Variants in LINGO2 observed in about 807,000 individuals in gnomAD.
The protein encoded by LINGO2 is leucine rich repeat and Ig domain containing 2, also known as leucine-rich repeat and immunoglobulin-like domain-containing nogo receptor-interacting protein 2.
In LINGO2, 14 loss-of-function variants were observed where a neutral mutation model predicts 30.6. The ratio of observed to expected loss-of-function variants is 0.46; its 90% CI spans 0.30 to 0.72. The LOEUF (loss-of-function observed/expected upper bound fraction) is 0.72, where lower values mean the gene tolerates loss of function less well. Ranked by LOEUF, LINGO2 falls within the 30% of genes least tolerant of loss-of-function variation. The pLI is 0.07. For synonymous variants in LINGO2, 317 were observed against 288.5 expected (o/e 1.10, Z -1.00); for missense variants, 729 against 751.7 (o/e 0.97, Z 0.35).
the LINGO2 span, among the ~76,000 whole-genome samples, chr9:29,134,006 C>G: frequency 6.6e-6 from 1 of 152,070 alleles, no homozygotes; most frequent in Non-Finnish European, 1.5e-5. Context: ...ATATAAGGCT[C>G]TATACTTAAT....
chr9:28,260,252 T>C (rs1822519091), intron 4 of LINGO2, among the ~76,000 whole-genome samples: 1 of 151,780 alleles, frequency 6.6e-6, no homozygotes, highest in Admixed American at 6.6e-5. Flanking sequence ...TTTTTTTTTT[T>C]TTTTACTTGG....
the LINGO2 span, among the ~76,000 whole-genome samples, chr9:28,878,414 G>A: frequency 6.6e-6 from 1 of 152,128 alleles, no homozygotes; most frequent in African/African-American, 2.4e-5. Flanking sequence ...GAGGTACAAG[G>A]AGGAAGAGGT....
chr9:28,857,501 C>T, the LINGO2 span, among the ~76,000 whole-genome samples: 45 of 151,936 alleles, frequency 3.0e-4, no homozygotes, highest in African/African-American at 8.9e-4. Flanking sequence ...GGTAGAACTC[C>T]GCCTTCCAGG....
chr9:27,987,249 C>T (rs1563884870), intron 5 of LINGO2, among the ~76,000 whole-genome samples: 1 of 151,796 alleles, frequency 6.6e-6, no homozygotes, highest in African/African-American at 2.4e-5. Context: ...TGCAATGTGG[C>T]TAAATATGTC....
chr9:29,189,845 A>C, the LINGO2 span, among the ~76,000 whole-genome samples: 4 of 151,834 alleles, frequency 2.6e-5, no homozygotes, highest in South Asian at 2.1e-4. Flanking sequence ...CCCCGTCTCC[A>C]CCAAAAAAAT....
At chr9:28,927,089 T>A in the LINGO2 span, among the ~76,000 whole-genome samples, 30 of 152,226 alleles carry the variant, frequency 2.0e-4, no homozygotes, top group Non-Finnish European at 3.1e-4. Context: ...TCAAACTGGA[T>A]TGTACATCTC....
chr9:28,666,292 A>G (rs1828798809), intron 1 of LINGO2, among the ~76,000 whole-genome samples: 1 of 152,154 alleles, frequency 6.6e-6, no homozygotes, highest in African/African-American at 2.4e-5. Context: ...ATACCTGAAC[A>G]TGCACTATTG....
intron 4 of LINGO2, among the ~76,000 whole-genome samples, chr9:28,057,907 C>T (rs1367297360): frequency 5.9e-5 from 9 of 151,988 alleles, no homozygotes; most frequent in Non-Finnish European, 8.8e-5. Flanking sequence ...CCTCTTTGCT[C>T]CTGTGTATCA....
chr9:28,773,102 A>C, the LINGO2 span, among the ~76,000 whole-genome samples: 1 of 152,160 alleles, frequency 6.6e-6, no homozygotes, highest in African/African-American at 2.4e-5. Context: ...GCGGTGGCTC[A>C]CACCTGAAAT....
intron 4 of LINGO2, among the ~76,000 whole-genome samples, chr9:28,035,620 A>G (rs1252435373): frequency 6.6e-6 from 1 of 152,188 alleles, no homozygotes; most frequent in Non-Finnish European, 1.5e-5. Context: ...TTCAGTGAAA[A>G]CATTTAAGTA....
intron 1 of LINGO2, among the ~76,000 whole-genome samples, chr9:28,482,229 C>T (rs1197298231): frequency 6.6e-6 from 1 of 151,864 alleles, no homozygotes; most frequent in Non-Finnish European, 1.5e-5. Context: ...AACTAGTTTA[C>T]AGTCCCACCA....
At chr9:29,190,032 G>GGAGGGAGAGGGA in the LINGO2 span, among the ~76,000 whole-genome samples, 6 of 126,608 alleles carry the variant, frequency 4.7e-5, no homozygotes, top group Non-Finnish European at 1.0e-4. Flanking sequence ...CCGTGGGGAG[G>GGAGGGAGAGGGA]GAGGGAGAGG....
At chr9:28,036,749 A>C (rs75436307) in intron 4 of LINGO2, among the ~76,000 whole-genome samples, 3,531 of 152,262 alleles carry the variant, frequency 0.023, 95 homozygotes, top group African/African-American at 0.053. Context: ...GAAAAATGCA[A>C]ATAGATACAC....
At chr9:29,111,057 A>G in the LINGO2 span, among the ~76,000 whole-genome samples, 1 of 152,220 alleles carries the variant, frequency 6.6e-6, no homozygotes, top group Admixed American at 6.5e-5. Flanking sequence ...TGATTCTTTT[A>G]TACAATACCA....
chr9:28,383,465 G>C (rs1039706144), intron 2 of LINGO2, among the ~76,000 whole-genome samples: 1 of 152,060 alleles, frequency 6.6e-6, no homozygotes, highest in African/African-American at 2.4e-5. Context: ...ACATGCTGAA[G>C]GCAGTAGAGG....
chr9:28,935,183 G>C, the LINGO2 span, among the ~76,000 whole-genome samples: 1 of 152,056 alleles, frequency 6.6e-6, no homozygotes, highest in East Asian at 1.9e-4. Context: ...TAAAAAAAGA[G>C]ACTAACAGGG....
the LINGO2 span, among the ~76,000 whole-genome samples, chr9:29,076,903 G>T: frequency 6.6e-6 from 1 of 151,860 alleles, no homozygotes; most frequent in Admixed American, 6.6e-5. Context: ...GTTTGGTTAA[G>T]AATTAAAATA....
intron 4 of LINGO2, among the ~76,000 whole-genome samples, chr9:28,189,665 A>G (rs144253379): frequency 0.027 from 460 of 16,822 alleles, 57 homozygotes; most frequent in African/African-American, 0.064. Flanking sequence ...GGAAGGAAGG[A>G]AGGGAGGAAG....
the LINGO2 span, among the ~76,000 whole-genome samples, chr9:28,752,700 C>T: frequency 3.3e-5 from 5 of 152,110 alleles, no homozygotes; most frequent in African/African-American, 1.2e-4. Context: ...AGTTTGGAAA[C>T]ATTTTAGTCC....
Sources: allele counts gnomAD v4.1 joint callset (sites outside exome capture counted in the v4.1 genomes callset), GRCh38; gene constraint gnomAD v4.1.1; transcripts MANE v1.5; gene names NCBI Gene and HGNC (gene_info 2026-07-23, HGNC 2026-07-21).